Variants in DAB2IP observed in about 807,000 individuals in gnomAD.
The protein encoded by DAB2IP is DAB2 interacting protein.
A neutral mutation model predicts 107.2 loss-of-function variants in DAB2IP; 28 were observed. That is an observed-to-expected ratio of 0.26 (90% CI 0.19 to 0.36). The LOEUF (loss-of-function observed/expected upper bound fraction) is 0.36. Among genes scored for constraint, DAB2IP ranks in the 10% least tolerant of loss-of-function variants. The probability of loss-of-function intolerance (pLI) is 1.00; values close to 1 mark genes in which losing one functional copy is unlikely to be tolerated. For synonymous variants in DAB2IP, 755 were observed against 706.4 expected (o/e 1.07, Z -1.09); for missense variants, 1,400 against 1,644.7 (o/e 0.85, Z 2.57).
chr9:121,645,276 C>T (rs1345823779), intron 1 of DAB2IP, among the ~76,000 whole-genome samples: 3 of 152,160 alleles, frequency 2.0e-5, no homozygotes, highest in South Asian at 2.1e-4. Context: ...GCTGAAATGC[C>T]GGCTGCTAGG....
chr9:121,641,473 T>G (rs1564127868), intron 1 of DAB2IP, among the ~76,000 whole-genome samples: 1 of 152,124 alleles, frequency 6.6e-6, no homozygotes, highest in African/African-American at 2.4e-5. Context: ...TGAGTGTCAA[T>G]ACCCAATGGC....
intron 1 of DAB2IP, among the ~76,000 whole-genome samples, chr9:121,671,391 A>G (rs899537904): frequency 4.6e-5 from 7 of 152,220 alleles, no homozygotes; most frequent in Non-Finnish European, 1.0e-4. Context: ...TCGATAATTC[A>G]GGATGATTTC....
chr9:121,729,497 C>G (rs971172846), intron 3 of DAB2IP, among the ~76,000 whole-genome samples: 1 of 152,202 alleles, frequency 6.6e-6, no homozygotes, highest in African/African-American at 2.4e-5. Flanking sequence ...AGCAGCTCCT[C>G]CATGTTCTCC....
chr9:121,724,500 CTGA>C (rs574364978), intron 3 of DAB2IP, among the ~76,000 whole-genome samples: 4 of 152,352 alleles, frequency 2.6e-5, no homozygotes, highest in African/African-American at 7.2e-5. Context: ...TTGAGTTCAC[CTGA>C]TGTTGTTACA....
chr9:121,745,283 G>T (rs1334834978), intron 3 of DAB2IP, among the ~76,000 whole-genome samples: 2 of 152,194 alleles, frequency 1.3e-5, no homozygotes, highest in African/African-American at 4.8e-5. Context: ...GAGAGCCACA[G>T]GTGGCTTTGG....
intron 1 of DAB2IP, among the ~76,000 whole-genome samples, chr9:121,604,279 G>C (rs1343170143): frequency 6.6e-6 from 1 of 152,156 alleles, no homozygotes; most frequent in African/African-American, 2.4e-5. Context: ...TCCTGAATCT[G>C]ACCTGAACGG....
chr9:121,621,761 C>T (rs550730068), intron 1 of DAB2IP, among the ~76,000 whole-genome samples: 20 of 150,938 alleles, frequency 1.3e-4, no homozygotes, highest in South Asian at 4.2e-4. Flanking sequence ...ATTCTCCTGC[C>T]TCCGCCTCCC....
At chr9:121,784,131 TCA>T (rs1491463135) in exon 16 of DAB2IP, 1 of 159,944 alleles carries the variant, frequency 6.3e-6, no homozygotes, top group African/African-American at 2.4e-5. Flanking sequence ...AACCTACAAT[TCA>T]GTTAGGCTAG....
chr9:121,707,255 G>T (rs1166990141), intron 3 of DAB2IP, among the ~76,000 whole-genome samples: 1 of 152,206 alleles, frequency 6.6e-6, no homozygotes, highest in East Asian at 1.9e-4. Context: ...GGACTGACTG[G>T]TGGGCAGCCT....
chr9:121,684,720 G>T lies in DAB2IP; in HGVS notation c.228+5939G>T, dbSNP rs1828775904. 6.6e-6 allele frequency among the ~76,000 whole-genome samples: 1 copy of T among 152,228 alleles called. No individual in the cohort carries two copies. Among genetic ancestry groups the T allele is most frequent in the African/African-American group, 2.4e-5 (1 of 41,456 alleles). ...CCCTTCCAAGCTACGGAGGCTCCGGGTGGCTGTTGGGGTGGGGAACAGAAA... is the reference window on the plus strand; with the variant it reads ...CCCTTCCAAGCTACGGAGGCTCCGGTTGGCTGTTGGGGTGGGGAACAGAAA... On this transcript the variant is annotated intron_variant, in intron 2 of 15. Coordinates refer to ENST00000408936, the Ensembl canonical transcript of DAB2IP. The surrounding 1 kb of genome is among the most constrained non-coding windows in gnomAD (Gnocchi z 4.0).
At chr9:121,755,622 GCT>G (rs1252595628) in intron 3 of DAB2IP, among the ~76,000 whole-genome samples, 1 of 152,174 alleles carries the variant, frequency 6.6e-6, no homozygotes, top group Non-Finnish European at 1.5e-5. Context: ...GGGCTCTTAT[GCT>G]CAGAGGGCTG....
chr9:121,638,233 C>A (rs1381958303), intron 1 of DAB2IP, among the ~76,000 whole-genome samples: 1 of 152,180 alleles, frequency 6.6e-6, no homozygotes, highest in Non-Finnish European at 1.5e-5. Context: ...TTCTTGTCAT[C>A]ATTACCTAAA....
intron 1 of DAB2IP, chr9:121,598,613 G>T (rs1469375785): frequency 1.3e-5 from 2 of 152,286 alleles, no homozygotes; most frequent in Non-Finnish European, 2.9e-5. Flanking sequence ...GCGAGGACAC[G>T]CTCTGCTGCG....
At position 121,776,050 on chromosome 9, in the gene DAB2IP, G is replaced by A. The variant is rs573931428; in HGVS notation, c.3121-148G>A. ...AGCCCCCACCAGCTGGGCTCCTTGG[G>A]CATCTCCTTGCTATGTGAAGTGGGC... On this transcript the variant is annotated intron_variant, in intron 13 of 15. Transcript: ENST00000408936. This position sits in a 1 kb window ranked among gnomAD's most constrained non-coding sequence, Gnocchi z 5.4. The A allele has an allele frequency of 1.2e-5, 11 of 925,128 alleles. No homozygotes were observed. In the African/African-American group the frequency reaches 1.8e-4, roughly 16 times the overall value. 57.3% of individuals were successfully genotyped at this position (925,128 alleles called of 1,614,324 possible).
At chr9:121,631,590 G>A (rs1386639743) in intron 1 of DAB2IP, among the ~76,000 whole-genome samples, 3 of 152,066 alleles carry the variant, frequency 2.0e-5, no homozygotes, top group African/African-American at 7.3e-5. Flanking sequence ...GGCCGAGGCT[G>A]GCGGATAACA....
intron 1 of DAB2IP, among the ~76,000 whole-genome samples, chr9:121,576,510 G>A (rs976683577): frequency 6.6e-6 from 1 of 152,020 alleles, no homozygotes; most frequent in African/African-American, 2.4e-5. Flanking sequence ...TGACTAGCTT[G>A]TTTGGGCTGC....
intron 1 of DAB2IP, among the ~76,000 whole-genome samples, chr9:121,627,278 C>G (rs541161665): frequency 6.6e-6 from 1 of 152,174 alleles, no homozygotes; most frequent in African/African-American, 2.4e-5. Context: ...TTCCACCTCG[C>G]GCTGCAGAAC....
chr9:121,646,728 C>T (rs1031146627), upstream of DAB2IP, among the ~76,000 whole-genome samples: 42 of 152,024 alleles, frequency 2.8e-4, no homozygotes, highest in African/African-American at 9.4e-4. Flanking sequence ...GGACTCCTGT[C>T]GCCCCTAGCC....
At chr9:121,690,268 TG>T in intron 2 of DAB2IP, among the ~76,000 whole-genome samples, 1 of 152,248 alleles carries the variant, frequency 6.6e-6, no homozygotes, top group East Asian at 1.9e-4. Flanking sequence ...GGAGTTTTGC[TG>T]GGGAATGAGC....
Sources: allele counts gnomAD v4.1 joint callset (sites outside exome capture counted in the v4.1 genomes callset), GRCh38; gene constraint gnomAD v4.1.1; non-coding constraint Gnocchi (gnomAD v3.1); transcripts MANE v1.5; gene names NCBI Gene and HGNC (gene_info 2026-07-23, HGNC 2026-07-21).